PLCB1: variants seen among roughly 807,000 people sequenced by gnomAD.
The protein encoded by PLCB1 is 1-phosphatidylinositol 4,5-bisphosphate phosphodiesterase beta-1.
A neutral mutation model predicts 161.8 loss-of-function variants in PLCB1; 46 were observed. The ratio of observed to expected loss-of-function variants is 0.28; its 90% confidence interval spans 0.22 to 0.36. The LOEUF is 0.36. Among genes scored for constraint, PLCB1 ranks in the 10% least tolerant of loss-of-function variants. PLCB1 has a pLI of 1.00. For missense variants in PLCB1, 1,016 were observed against 1,472.5 expected (o/e 0.69, Z 5.07); for synonymous variants, 517 against 503.7 (o/e 1.03, Z -0.35).
chr20:8,561,141 C>T (rs1986126806), intron 3 of PLCB1, among the ~76,000 whole-genome samples: 3 of 151,814 alleles, frequency 2.0e-5, no homozygotes, highest in Admixed American at 1.3e-4. Flanking sequence ...AGGTAGAATG[C>T]TGAAGACCGT....
At chr20:8,315,959 TC>T (rs777597962) in intron 2 of PLCB1, among the ~76,000 whole-genome samples, 3 of 152,198 alleles carry the variant, frequency 2.0e-5, no homozygotes, top group Non-Finnish European at 2.9e-5. Context: ...TGATATGCAA[TC>T]TTAACTAAAT....
intron 12 of PLCB1, among the ~76,000 whole-genome samples, chr20:8,709,363 A>G (rs1978868750): frequency 6.6e-6 from 1 of 152,234 alleles, no homozygotes; most frequent in South Asian, 2.1e-4. Context: ...CCAAAGAGAG[A>G]CACATTTATA....
At chr20:8,712,859 A>C (rs939825498) in intron 12 of PLCB1, among the ~76,000 whole-genome samples, 2 of 152,172 alleles carry the variant, frequency 1.3e-5, no homozygotes, top group Non-Finnish European at 2.9e-5. Context: ...TGAAGCTCAA[A>C]ATGCATTTGT....
chr20:8,331,493 T>C (rs906659593), intron 2 of PLCB1, among the ~76,000 whole-genome samples: 10 of 152,180 alleles, frequency 6.6e-5, no homozygotes, highest in Admixed American at 6.5e-4. Flanking sequence ...TTGCAAGGTT[T>C]TGTGGTTAGG....
At chr20:8,757,215 G>T in intron 24 of PLCB1, 37 bp downstream of exon 24, 5 of 1,574,644 alleles carry the variant, frequency 3.2e-6, no homozygotes, top group Non-Finnish European at 4.3e-6. Context: ...ACATGAGCAA[G>T]ATCCTCCAGT....
chr20:8,375,203 T>G (rs1987032188), intron 3 of PLCB1, among the ~76,000 whole-genome samples: 1 of 152,330 alleles, frequency 6.6e-6, no homozygotes, highest in Middle Eastern at 3.4e-3. Flanking sequence ...AGGTGCTTAC[T>G]TTTTTTCTTG....
At chr20:8,712,434 G>T (rs2123458984) in intron 12 of PLCB1, among the ~76,000 whole-genome samples, 1 of 152,306 alleles carries the variant, frequency 6.6e-6, no homozygotes, top group South Asian at 2.1e-4. Context: ...AATGTATCCT[G>T]TTGCTACATC....
chr20:8,844,874 G>A (rs1327557394), intron 31 of PLCB1, among the ~76,000 whole-genome samples: 2 of 152,234 alleles, frequency 1.3e-5, no homozygotes, highest in Admixed American at 1.3e-4. Context: ...ACTTTGGGAG[G>A]CCGAGGCGGG....
intron 3 of PLCB1, among the ~76,000 whole-genome samples, chr20:8,508,346 C>T (rs1983730818): frequency 6.6e-6 from 1 of 152,144 alleles, no homozygotes. Context: ...TGAACTTCTT[C>T]CTATAACTTT....
chr20:8,467,669 TTATTTC>T (rs1981878142), intron 3 of PLCB1, among the ~76,000 whole-genome samples: 1 of 152,160 alleles, frequency 6.6e-6, no homozygotes, highest in African/African-American at 2.4e-5. Context: ...AATCTGTACT[TTATTTC>T]TATAATGACA....
intron 12 of PLCB1, among the ~76,000 whole-genome samples, chr20:8,714,930 C>T (rs1979217998): frequency 6.7e-6 from 1 of 150,072 alleles, no homozygotes. Context: ...TCAATACCAA[C>T]CCCCTAACCC....
intron 3 of PLCB1, among the ~76,000 whole-genome samples, chr20:8,543,904 G>C (rs1985435358): frequency 6.6e-6 from 1 of 152,152 alleles, no homozygotes; most frequent in African/African-American, 2.4e-5. Context: ...GGCCTCCCCA[G>C]CCATACAGAA....
At chr20:8,627,924 C>A (rs1988408416) in intron 3 of PLCB1, among the ~76,000 whole-genome samples, 2 of 152,162 alleles carry the variant, frequency 1.3e-5, no homozygotes, top group African/African-American at 4.8e-5. Context: ...AGAATAACCA[C>A]CTTCTTTGTC....
intron 2 of PLCB1, among the ~76,000 whole-genome samples, chr20:8,334,222 A>G (rs964541476): frequency 5.3e-5 from 8 of 151,672 alleles, no homozygotes; most frequent in Admixed American, 2.6e-4. Context: ...AAAAAAAAAG[A>G]AAGAAAAGAA....
At chr20:8,398,831 T>C (rs935264077) in intron 3 of PLCB1, among the ~76,000 whole-genome samples, 4 of 152,042 alleles carry the variant, frequency 2.6e-5, no homozygotes, top group Non-Finnish European at 5.9e-5. Context: ...GCTCTTTATA[T>C]ATCAGGAGAA....
chr20:8,376,711 G>A (rs774757322), intron 3 of PLCB1, among the ~76,000 whole-genome samples: 129 of 152,118 alleles, frequency 8.5e-4, no homozygotes, highest in South Asian at 3.1e-3. Flanking sequence ...GGCGGATCAC[G>A]AGGTCAGGAG....
intron 3 of PLCB1, among the ~76,000 whole-genome samples, chr20:8,397,902 C>T (rs1214245710): frequency 6.6e-6 from 1 of 151,758 alleles, no homozygotes; most frequent in Non-Finnish European, 1.5e-5. Flanking sequence ...TTTTATTATG[C>T]ATAAGGCTAC....
chr20:8,192,736 T>C (rs1442719439), intron 2 of PLCB1, among the ~76,000 whole-genome samples: 2 of 151,644 alleles, frequency 1.3e-5, no homozygotes, highest in Non-Finnish European at 2.9e-5. Flanking sequence ...ACTTAAGGAA[T>C]TGGATAGGTA....
At position 8,269,680 on chromosome 20, in the gene PLCB1, G is replaced by T. The variant is rs753326249; in HGVS notation, c.178-101702G>T. Among the ~76,000 whole-genome samples, 8 of 152,016 alleles carry T rather than the reference G, an allele frequency of 5.3e-5. No individual in the cohort carries two copies. In the South Asian group the frequency reaches 1.5e-3, roughly 28 times the overall value. ...TGGTCAAAACTGAAACGTAAGTTTT[G>T]TATCTCTATCCAGATACAAAGACAG... is the stretch of plus-strand genomic sequence containing the variant. On this transcript the variant is annotated intron_variant, in intron 2 of 31. Coordinates refer to ENST00000338037, the MANE Select transcript of PLCB1 (RefSeq NM_015192.4).
Sources: gnomAD v4.1 joint callset for allele counts (sites outside exome capture counted in the v4.1 genomes callset) on GRCh38, gnomAD v4.1.1 for gene constraint, MANE v1.5 for transcripts, NCBI Gene and HGNC (gene_info 2026-07-23, HGNC 2026-07-21) for gene names.